Variants in MYT1L observed in about 807,000 individuals in gnomAD.
MYT1L encodes myelin transcription factor 1 like.
MYT1L carries 12 observed loss-of-function variants against 126.7 expected under a neutral mutation model. The ratio of observed to expected loss-of-function variants is 0.09; its 90% CI spans 0.06 to 0.15. MYT1L has a LOEUF of 0.15. MYT1L is among the 10% of genes least tolerant of loss of function. The pLI is 1.00. For missense variants in MYT1L, 979 were observed against 1,585.2 expected (o/e 0.62, Z 6.49); for synonymous variants, 541 against 604.2 (o/e 0.90, Z 1.53).
At chr2:1,987,432 C>T (rs1558638439) in intron 5 of MYT1L, among the ~76,000 whole-genome samples, 1 of 151,758 alleles carries the variant, frequency 6.6e-6, no homozygotes, top group Admixed American at 6.6e-5. Context: ...GCAGCGTTTC[C>T]ATGGGAGGGG....
At chr2:2,166,951 G>A (rs890209151) in intron 3 of MYT1L, among the ~76,000 whole-genome samples, 2 of 152,114 alleles carry the variant, frequency 1.3e-5, no homozygotes, top group Admixed American at 6.6e-5. Flanking sequence ...TTCAGAGTGC[G>A]TCATTTTCCA....
At chr2:1,906,220 ATAGT>A (rs1356966630) in intron 13 of MYT1L, among the ~76,000 whole-genome samples, 8 of 152,206 alleles carry the variant, frequency 5.3e-5, no homozygotes, top group South Asian at 4.1e-4. Flanking sequence ...TTTACTTTAA[ATAGT>A]TAGAATCTTA....
intron 5 of MYT1L, among the ~76,000 whole-genome samples, chr2:1,993,265 T>C (rs1000850430): frequency 5.3e-5 from 8 of 152,144 alleles, no homozygotes; most frequent in Non-Finnish European, 7.3e-5. Context: ...CATTATCGGG[T>C]TGAAGTACAA....
intron 2 of MYT1L, among the ~76,000 whole-genome samples, chr2:2,193,816 TA>T (rs1301479307): frequency 2.0e-5 from 3 of 152,162 alleles, no homozygotes; most frequent in Non-Finnish European, 4.4e-5. Flanking sequence ...TTTAGACACC[TA>T]GGGGTGAATC....
rs973337356 is a variant in MYT1L at position 2,224,514 on chromosome 2, C to T, written c.-420-51526G>A. On this transcript the variant is annotated intron_variant, in intron 2 of 24. Coordinates refer to ENST00000647738, the MANE Select transcript of MYT1L (RefSeq NM_001303052.2). The surrounding 1 kb of genome is among the most constrained non-coding windows in gnomAD (Gnocchi z 4.0). ...CGCACCCCATGCCATAACTATTTTT[C>T]CCATTAAGAAAATAAATGTTTCAGG... Among the ~76,000 whole-genome samples the T allele has an allele frequency of 1.3e-5, 2 of 152,064 alleles. No homozygotes were observed. Among genetic ancestry groups the T allele is most frequent in the African/African-American group, 4.8e-5 (2 of 41,432 alleles).
chr2:2,168,779 G>C (rs2089560165), intron 3 of MYT1L, among the ~76,000 whole-genome samples: 4 of 152,156 alleles, frequency 2.6e-5, no homozygotes, highest in South Asian at 2.1e-4. Context: ...TGCTACCTGA[G>C]AGCAATTCTC....
At chr2:1,998,270 G>A (rs914098694) in intron 4 of MYT1L, among the ~76,000 whole-genome samples, 1 of 152,182 alleles carries the variant, frequency 6.6e-6, no homozygotes, top group African/African-American at 2.4e-5. Flanking sequence ...CAGGTCAAGT[G>A]AGCAGAGAGC....
intron 14 of MYT1L, among the ~76,000 whole-genome samples, chr2:1,900,546 A>G (rs980553528): frequency 3.9e-5 from 6 of 152,002 alleles, no homozygotes; most frequent in Non-Finnish European, 5.9e-5. Context: ...TGATCCGCCC[A>G]CCTCGGCCTC....
At chr2:2,103,445 C>T (rs2150501850) in intron 3 of MYT1L, among the ~76,000 whole-genome samples, 1 of 152,352 alleles carries the variant, frequency 6.6e-6, no homozygotes. Context: ...GCCCCAGATG[C>T]CAGCCAGTTA....
chr2:1,864,885 G>A (rs902090323), intron 18 of MYT1L, among the ~76,000 whole-genome samples: 2 of 152,218 alleles, frequency 1.3e-5, no homozygotes, highest in Admixed American at 6.5e-5. Context: ...AGAGGGGTTG[G>A]CCTGTTCCAA....
intron 1 of MYT1L, among the ~76,000 whole-genome samples, chr2:2,288,260 T>A (rs545105347): frequency 8.5e-5 from 13 of 152,320 alleles, no homozygotes; most frequent in African/African-American, 2.9e-4. Flanking sequence ...GTCACTTAGT[T>A]TGTCAATAGT....
chr2:2,063,495 C>T (rs929859742), intron 3 of MYT1L, among the ~76,000 whole-genome samples: 3 of 152,038 alleles, frequency 2.0e-5, no homozygotes, highest in Non-Finnish European at 2.9e-5. Flanking sequence ...CCTGTGCCCC[C>T]AGAGCATACA....
intron 3 of MYT1L, among the ~76,000 whole-genome samples, chr2:2,091,195 C>T (rs1201488481): frequency 2.0e-5 from 3 of 152,164 alleles, no homozygotes; most frequent in Non-Finnish European, 4.4e-5. Context: ...TTATTGTCTT[C>T]AAAATGCTAT....
Position 2,082,060 on chromosome 2 carries a change from C to T in MYT1L, c.-303-27937G>A, listed in dbSNP as rs1207036134. 2.6e-5 allele frequency among the ~76,000 whole-genome samples: 4 copies of T among 151,892 alleles called. No homozygotes were observed. The East Asian group carries it at 7.7e-4, about 29-fold the overall frequency. Reference sequence around the variant, plus strand: ...CCAGCAACCTTAGTTTATTTTAAAGCATAATTGGAATGAGGATCAAAAAGG... The same window carrying T: ...CCAGCAACCTTAGTTTATTTTAAAGTATAATTGGAATGAGGATCAAAAAGG... On this transcript the variant is annotated intron_variant, in intron 3 of 24. Coordinates refer to ENST00000647738, the MANE Select transcript of MYT1L (RefSeq NM_001303052.2).
chr2:2,122,870 T>TGAGAGAGAGA (rs1437538873), intron 3 of MYT1L, among the ~76,000 whole-genome samples: 16 of 126,408 alleles, frequency 1.3e-4, no homozygotes, highest in African/African-American at 4.9e-4. Context: ...TGTGTGTGTG[T>TGAGAGAGAGA]GTGAGAGAGA....
rs1306001067 is a variant in MYT1L, at chr2:1,789,145, A to G, written c.*2722T>C. ...TCCTTCGTGCTACAAATGTGGCAAC[A>G]CCTTGTTTATTTAGAGTAAGATGTG... On this transcript the variant is annotated 3_prime_UTR_variant, in exon 25 of 25. Coordinates refer to ENST00000647738, the MANE Select transcript of MYT1L (RefSeq NM_001303052.2). 6.6e-6 allele frequency: 1 copy of G among 152,366 alleles called. No homozygotes were observed. The highest frequency in any genetic ancestry group is 2.1e-4 in the South Asian group (1 of 4,826). The allele number at this position is 152,366 out of a possible 1,614,324, so 9.4% of individuals were successfully genotyped here. A position where few individuals can be genotyped will look rare whatever the true frequency, so the allele number is the denominator to read the frequency against.
chr2:2,053,402 G>A (rs991816119), intron 4 of MYT1L, among the ~76,000 whole-genome samples: 2 of 152,066 alleles, frequency 1.3e-5, no homozygotes, highest in African/African-American at 2.4e-5. Context: ...TGTAAAAATG[G>A]TAAATTTCAT....
chr2:2,074,613 A>C (rs1027061189), intron 3 of MYT1L, among the ~76,000 whole-genome samples: 12 of 152,344 alleles, frequency 7.9e-5, no homozygotes, highest in Admixed American at 5.9e-4. Flanking sequence ...CAAAAATGAA[A>C]TACGGTGTCA....
intron 9 of MYT1L, among the ~76,000 whole-genome samples, chr2:1,925,206 ATTTCC>A (rs1195257245): frequency 6.6e-6 from 1 of 152,226 alleles, no homozygotes; most frequent in Non-Finnish European, 1.5e-5. Context: ...GTTCTCCTAC[ATTTCC>A]TTTATGGAAC....
Sources: allele counts gnomAD v4.1 joint callset (sites outside exome capture counted in the v4.1 genomes callset), GRCh38; gene constraint gnomAD v4.1.1; non-coding constraint Gnocchi (gnomAD v3.1); transcripts MANE v1.5; gene names NCBI Gene and HGNC (gene_info 2026-07-23, HGNC 2026-07-21).